Variants in WDFY4 observed in about 807,000 individuals in gnomAD.
WDFY4 encodes WDFY family member 4, also known as WD repeat- and FYVE domain-containing protein 4.
WDFY4 carries 169 observed loss-of-function variants against 351.9 expected under a neutral mutation model. The observed-to-expected ratio is 0.48, with a 90% CI of 0.42 to 0.55. The LOEUF is 0.55. WDFY4 is among the 20% of genes least tolerant of loss of function. The pLI is 0.00. For missense variants in WDFY4, 3,803 were observed against 3,935.6 expected, an observed-to-expected ratio of 0.97 and a Z score of 0.90; for synonymous variants, 1,622 against 1,574.6, an observed-to-expected ratio of 1.03 and a Z score of -0.71.
intron 54 of WDFY4, among the ~76,000 whole-genome samples, chr10:48,966,161 G>A (rs560441312): frequency 6.6e-6 from 1 of 152,278 alleles, no homozygotes; most frequent in African/African-American, 2.4e-5. Context: ...CCAATAAAGG[G>A]AGCCACGTTA....
intron 11 of WDFY4, among the ~76,000 whole-genome samples, chr10:48,742,741 A>G (rs1796774538): frequency 1.3e-5 from 2 of 152,238 alleles, no homozygotes; most frequent in Admixed American, 1.3e-4. Flanking sequence ...AAAAAACAGG[A>G]CAGTTAAATC....
intron 47 of WDFY4, chr10:48,913,480 T>G (rs1481974105): frequency 3.2e-6 from 5 of 1,564,672 alleles, no homozygotes; most frequent in Admixed American, 3.5e-5. Context: ...GTGGCCATGT[T>G]CTTGATTCTA....
At chr10:48,734,706 G>A (rs149994759) in intron 10 of WDFY4, among the ~76,000 whole-genome samples, 190 of 151,886 alleles carry the variant, frequency 1.3e-3, no homozygotes, top group African/African-American at 4.3e-3. Context: ...GGAGGTGCTG[G>A]CTAAATGCAT....
chr10:48,969,594 G>A (rs1030054846), intron 56 of WDFY4, among the ~76,000 whole-genome samples: 4 of 152,132 alleles, frequency 2.6e-5, no homozygotes, highest in African/African-American at 7.2e-5. Context: ...TAAACTCAAA[G>A]GACACATGTT....
At chr10:48,824,247 A>C in intron 35 of WDFY4, 1 of 943,520 alleles carries the variant, frequency 1.1e-6, no homozygotes, top group Non-Finnish European at 1.3e-6. Flanking sequence ...AGCCTCTCTG[A>C]CCCTTAGCCT....
chr10:48,781,083 G>C (rs1403448410), intron 19 of WDFY4, among the ~76,000 whole-genome samples: 1 of 152,090 alleles, frequency 6.6e-6, no homozygotes, highest in Non-Finnish European at 1.5e-5. Flanking sequence ...TACCCTGGGG[G>C]TCAAAGTTGT....
rs944858869 is a variant in WDFY4, at chr10:48,777,287, A to G, written c.3099-132A>G. ...GCACCAGCTGCAGTCCATCCTTGGG[A>G]CCTTATGGTCTAAGGAGGGTTACAG... On this transcript the variant is annotated intron_variant, in intron 16 of 61. Transcript: ENST00000325239. 1.3e-5 allele frequency: 11 copies of G among 879,966 alleles called. No homozygotes were observed. The African/African-American group carries it at 1.5e-4, about 12-fold the overall frequency. 54.5% of individuals were successfully genotyped at this position (879,966 alleles called of 1,614,324 possible).
intron 38 of WDFY4, 113 bp from the exon 39 acceptor site, chr10:48,832,460 A>G: frequency 1.6e-6 from 2 of 1,261,858 alleles, no homozygotes; most frequent in South Asian, 3.6e-5. Flanking sequence ...CTCTTTTTGG[A>G]GGCAACCACA....
At chr10:48,703,389 A>G (rs1404541060) in intron 1 of WDFY4, among the ~76,000 whole-genome samples, 1 of 152,224 alleles carries the variant, frequency 6.6e-6, no homozygotes, top group Non-Finnish European at 1.5e-5. Flanking sequence ...CCTGAGGGCC[A>G]TGGCCCATTA....
chr10:48,820,952 A>G (rs1466396143), intron 33 of WDFY4, 110 bp from the exon 34 acceptor site: 10 of 740,770 alleles, frequency 1.3e-5, no homozygotes, highest in Non-Finnish European at 2.1e-5. Flanking sequence ...AGCAGCCCAC[A>G]CTGCTGGCAG....
intron 24 of WDFY4, among the ~76,000 whole-genome samples, chr10:48,798,427 T>C (rs964759043): frequency 1.3e-5 from 2 of 151,400 alleles, no homozygotes; most frequent in Non-Finnish European, 2.9e-5. Flanking sequence ...CACAAATAAA[T>C]AATATTAGGA....
chr10:48,848,947 G>T (rs2068867972), intron 39 of WDFY4, among the ~76,000 whole-genome samples: 1 of 152,184 alleles, frequency 6.6e-6, no homozygotes, highest in Non-Finnish European at 1.5e-5. Context: ...TGGCAAGTGG[G>T]TTACCATTGC....
intron 51 of WDFY4, among the ~76,000 whole-genome samples, chr10:48,956,636 C>A (rs1841604470): frequency 6.6e-6 from 1 of 152,152 alleles, no homozygotes; most frequent in Non-Finnish European, 1.5e-5. Flanking sequence ...GGGCGCCTCT[C>A]CAGGAAACTT....
intron 12 of WDFY4, among the ~76,000 whole-genome samples, chr10:48,756,122 T>C (rs756184123): frequency 4.6e-5 from 7 of 152,062 alleles, no homozygotes; most frequent in African/African-American, 9.6e-5. Flanking sequence ...TTGGAGAGAA[T>C]TGACAATTTA....
intron 56 of WDFY4, among the ~76,000 whole-genome samples, chr10:48,969,484 A>G (rs539890286): frequency 6.6e-6 from 1 of 152,276 alleles, no homozygotes; most frequent in East Asian, 1.9e-4. Flanking sequence ...TCACCTCCAG[A>G]GCAGAGGCTA....
At chr10:48,810,897 C>A (rs573021889) in intron 29 of WDFY4, among the ~76,000 whole-genome samples, 162 bp downstream of exon 29, 1 of 152,182 alleles carries the variant, frequency 6.6e-6, no homozygotes, top group East Asian at 1.9e-4. Flanking sequence ...GCCCAGCCCC[C>A]CTGACATCCT....
intron 47 of WDFY4, among the ~76,000 whole-genome samples, chr10:48,904,311 C>T (rs1331353796): frequency 6.6e-6 from 1 of 152,160 alleles, no homozygotes; most frequent in African/African-American, 2.4e-5. Context: ...CAGGATAGTC[C>T]TAATTGTGCA....
intron 47 of WDFY4, among the ~76,000 whole-genome samples, chr10:48,912,294 G>A (rs1838077159): frequency 1.3e-5 from 2 of 152,192 alleles, no homozygotes; most frequent in Admixed American, 6.5e-5. Context: ...TGCTGAGTAC[G>A]TTCTCCATGT....
Position 48,981,471 on chromosome 10 carries a change from G to T in WDFY4, c.9481G>T (p.Val3161Leu). 6.4e-7 allele frequency: 1 copy of T among 1,551,570 alleles called. No homozygotes were observed. Among genetic ancestry groups the T allele is most frequent in the Non-Finnish European group, 8.7e-7 (1 of 1,146,902 alleles). ...KTSPAVTALA[V>L]SRNHTKLLVG... is the part of the protein sequence containing the mutation. ...CAGCCCCGCAGTGACTGCTCTGGCC[G>T]TGTCCAGGTAAGCGCGGCCTTGTTT... The change falls in exon 61 of 62, where the codon GTG becomes TTG. Residue 3161 changes from valine (V) to leucine (L), a missense_variant. By Grantham distance (32) the Val-to-Leu change is conservative. Coordinates refer to ENST00000325239, the MANE Select transcript of WDFY4 (RefSeq NM_001394531.1).
Sources: allele counts gnomAD v4.1 joint callset (sites outside exome capture counted in the v4.1 genomes callset), GRCh38; gene constraint gnomAD v4.1.1; transcripts MANE v1.5; gene names NCBI Gene and HGNC (gene_info 2026-07-23, HGNC 2026-07-21).